NINL: variants seen among roughly 807,000 people sequenced by gnomAD.
NINL encodes ninein like, also known as ninein-like protein.
A neutral mutation model predicts 160.3 loss-of-function variants in NINL; 153 were observed. The observed-to-expected ratio is 0.95, with a 90% CI of 0.84 to 1.09. The LOEUF is 1.09. Ranked by LOEUF, NINL falls within the 50% of genes least tolerant of loss-of-function variation. NINL has a pLI of 0.00. For synonymous variants in NINL, 800 were observed against 734.8 expected, an observed-to-expected ratio of 1.09 and a Z score of -1.43; for missense variants, 1,829 against 1,764.0, an observed-to-expected ratio of 1.04 and a Z score of -0.66.
chr20:25,529,168 G>A (rs1465869616), intron 1 of NINL, among the ~76,000 whole-genome samples: 1 of 152,146 alleles, frequency 6.6e-6, no homozygotes, highest in East Asian at 1.9e-4. Flanking sequence ...CAGATTCTCA[G>A]GAGGCTGAGG....
At chr20:25,508,852 C>G (rs1224945781) in intron 5 of NINL, among the ~76,000 whole-genome samples, 1 of 152,032 alleles carries the variant, frequency 6.6e-6, no homozygotes, top group East Asian at 1.9e-4. Flanking sequence ...CTAAGGATCC[C>G]GCAGTTTGCT....
In NINL at chr20:25,452,806, CTA is replaced by C. The variant is rs1568818323; in HGVS notation, c.*643_*644del. ...ATTTGCATACATTTCAAATATAAAA[CTA>C]TACTTTTTTTTTTTTTTACATATAG... On this transcript the variant is annotated 3_prime_UTR_variant, in exon 24 of 24. Coordinates refer to ENST00000278886, the MANE Select transcript of NINL (RefSeq NM_025176.6). 2 of 138,784 alleles carry C rather than the reference CTA, an allele frequency of 1.4e-5. No homozygotes were observed. The highest frequency in any genetic ancestry group is 3.1e-5 in the Non-Finnish European group (2 of 64,736). The allele number at this position is 138,784 out of a possible 1,614,324, so 8.6% of individuals were successfully genotyped here.
At chr20:25,475,951 G>A in intron 17 of NINL, 92 bp downstream of exon 17, 1 of 1,335,498 alleles carries the variant, frequency 7.5e-7, no homozygotes, top group Non-Finnish European at 1.0e-6. Context: ...GGCAGGAAGG[G>A]CCACATAGCA....
intron 13 of NINL, among the ~76,000 whole-genome samples, chr20:25,486,046 G>A (rs117594761): frequency 6.6e-5 from 10 of 152,278 alleles, no homozygotes; most frequent in African/African-American, 1.4e-4. Context: ...ATGTCTACAC[G>A]TTCACATCCA....
intron 2 of NINL, among the ~76,000 whole-genome samples, chr20:25,519,396 G>A (rs1395249813): frequency 1.3e-5 from 2 of 151,950 alleles, no homozygotes; most frequent in African/African-American, 4.8e-5. Context: ...ATTTCTTCTT[G>A]CAATTCTGAC....
At position 25,570,987 on chromosome 20, in the gene NINL, G is replaced by A. The variant is rs116625328; in HGVS notation, c.-12+14468C>T. On this transcript the variant is annotated intron_variant, in intron 1 of 23. Coordinates refer to ENST00000278886, the MANE Select transcript of NINL (RefSeq NM_025176.6). The stretch of plus-strand genomic sequence containing the variant: ...CAAAGTGCTGGGCGTGAACCACCGC[G>A]CCCAGCCAAATCCTGGGCAAGTAGA... Among the ~76,000 whole-genome samples the A allele has an allele frequency of 2.2e-3, 335 of 150,790 alleles. 1 individual carries two copies. The highest frequency in any genetic ancestry group is 7.2e-3 in the African/African-American group (295 of 41,046).
rs1261058527 is a variant in NINL, at chr20:25,500,831, G to A, written c.1032+9C>T. 1.9e-6 allele frequency: 3 copies of A among 1,612,378 alleles called. No individual in the cohort carries two copies. In the East Asian group the frequency reaches 6.7e-5, roughly 36 times the overall value. Reference sequence around the variant, plus strand: ...CCCTGTCCAGCTTAGGCATCACCCAGTTCCAAACCTGCAAGATCTCCCTGC... The same window carrying A: ...CCCTGTCCAGCTTAGGCATCACCCAATTCCAAACCTGCAAGATCTCCCTGC... On this transcript the variant is annotated intron_variant, in intron 8 of 23. Transcript: ENST00000278886.
intron 1 of NINL, among the ~76,000 whole-genome samples, chr20:25,573,167 C>T (rs1374602192): frequency 5.3e-5 from 8 of 151,746 alleles, no homozygotes; most frequent in Non-Finnish European, 1.2e-4. Flanking sequence ...CATGGTGGCA[C>T]ATGCCTGTAG....
intron 1 of NINL, among the ~76,000 whole-genome samples, chr20:25,575,446 C>CAA (rs1167252309): frequency 5.0e-4 from 22 of 43,674 alleles, no homozygotes; most frequent in South Asian, 7.2e-4. Flanking sequence ...GACTCCGTCT[C>CAA]AAAAAAAAAA....
At chr20:25,577,413 C>G (rs539760112) in intron 1 of NINL, among the ~76,000 whole-genome samples, 1 of 152,350 alleles carries the variant, frequency 6.6e-6, no homozygotes, top group African/African-American at 2.4e-5. Flanking sequence ...CGTGGCCGGA[C>G]AGTCCAGCAC....
At chr20:25,547,753 T>G (rs1322303874) in intron 1 of NINL, among the ~76,000 whole-genome samples, 11 of 152,194 alleles carry the variant, frequency 7.2e-5, no homozygotes, top group Non-Finnish European at 4.4e-5. Flanking sequence ...TACTGGAGGT[T>G]AGGGCTTCAA....
intron 23 of NINL, among the ~76,000 whole-genome samples, chr20:25,455,295 C>G (rs570896222): frequency 6.6e-6 from 1 of 152,160 alleles, no homozygotes; most frequent in Non-Finnish European, 1.5e-5. Flanking sequence ...CATCATGGCC[C>G]GAGGTCATGT....
chr20:25,543,097 G>A (rs934880435), intron 1 of NINL, among the ~76,000 whole-genome samples: 5 of 151,110 alleles, frequency 3.3e-5, no homozygotes, highest in East Asian at 3.9e-4. Flanking sequence ...TTATTAATAC[G>A]AAAGAAAAAA....
At chr20:25,575,177 G>A (rs571889593) in intron 1 of NINL, among the ~76,000 whole-genome samples, 6 of 152,234 alleles carry the variant, frequency 3.9e-5, no homozygotes, top group Admixed American at 1.3e-4. Flanking sequence ...GGCCAGGTGC[G>A]GTGGCTCACA....
chr20:25,458,711 T>C, intron 21 of NINL, 182 bp from the exon 22 acceptor site: 1 of 652,722 alleles, frequency 1.5e-6, no homozygotes, highest in East Asian at 2.8e-5. Flanking sequence ...GCCAGGCTGC[T>C]GTCAGCCAGC....
chr20:25,538,172 G>T (rs1177716297), intron 1 of NINL, among the ~76,000 whole-genome samples: 1 of 152,180 alleles, frequency 6.6e-6, no homozygotes, highest in Non-Finnish European at 1.5e-5. Context: ...CATAGGCGTG[G>T]CCTGTGCACC....
intron 1 of NINL, among the ~76,000 whole-genome samples, chr20:25,563,016 A>G (rs982405947): frequency 6.6e-6 from 1 of 152,160 alleles, no homozygotes; most frequent in Admixed American, 6.5e-5. Flanking sequence ...AATACAAAAA[A>G]TTAGCTGGGC....
chr20:25,493,189 C>T (rs1476715942), intron 10 of NINL, among the ~76,000 whole-genome samples: 1 of 152,188 alleles, frequency 6.6e-6, no homozygotes, highest in East Asian at 1.9e-4. Context: ...GTTACTCAAA[C>T]TGAGTATGAG....
chr20:25,553,104 G>GTTTTTTTTTTTTT (rs3036846), intron 1 of NINL, among the ~76,000 whole-genome samples: 4 of 100,118 alleles, frequency 4.0e-5, no homozygotes, highest in Non-Finnish European at 7.5e-5. Flanking sequence ...CCCTTGTTGG[G>GTTTTTTTTTTTTT]TTTTTTTTTT....
Sources: gnomAD v4.1 joint callset for allele counts (sites outside exome capture counted in the v4.1 genomes callset) on GRCh38, gnomAD v4.1.1 for gene constraint, MANE v1.5 for transcripts, NCBI Gene and HGNC (gene_info 2026-07-23, HGNC 2026-07-21) for gene names.